Variants in ARSB observed in about 807,000 individuals in gnomAD.
ARSB encodes arylsulfatase B, also known as N-acetylgalactosamine-4-sulfatase.
ARSB carries 41 observed loss-of-function variants against 50.9 expected under a neutral mutation model. The ratio of observed to expected loss-of-function variants is 0.81; its 90% CI spans 0.63 to 1.04. ARSB has a LOEUF of 1.04. ARSB is among the 50% of genes least tolerant of loss of function. The probability of loss-of-function intolerance (pLI) is 0.00; values close to 1 mark genes in which losing one functional copy is unlikely to be tolerated. For synonymous variants in ARSB, 269 were observed against 284.8 expected (o/e 0.94, Z 0.56); for missense variants, 672 against 693.3 (o/e 0.97, Z 0.35).
intron 6 of ARSB, among the ~76,000 whole-genome samples, chr5:78,791,856 A>G (rs1283321058): frequency 1.3e-5 from 2 of 152,206 alleles, no homozygotes; most frequent in Non-Finnish European, 1.5e-5. Flanking sequence ...TTGAAGATGA[A>G]AAAAGCCCCT....
rs1046619002 is a variant in ARSB, at chr5:78,981,274, A to G, written c.312+3663T>C. Among the ~76,000 whole-genome samples, 40 of 152,216 alleles carry G rather than the reference A, an allele frequency of 2.6e-4. 1 individual carries two copies. The highest frequency in any genetic ancestry group is 5.2e-4 in the Admixed American group (8 of 15,274). On this transcript the variant is annotated intron_variant, in intron 1 of 7. Transcript: ENST00000264914. ...CGAATTTCTAGTTCTTGAATTTACC[A>G]GTAACTACTTACCCCATCTGCTAAT... is the stretch of plus-strand genomic sequence containing the variant.
intron 4 of ARSB, among the ~76,000 whole-genome samples, chr5:78,915,636 C>A (rs886874437): frequency 6.6e-6 from 1 of 152,152 alleles, no homozygotes; most frequent in Admixed American, 6.5e-5. Flanking sequence ...GTTGAATACT[C>A]CTTGTCCAAA....
chr5:78,822,377 C>T (rs1744265303), intron 6 of ARSB, among the ~76,000 whole-genome samples: 1 of 152,028 alleles, frequency 6.6e-6, no homozygotes, highest in Non-Finnish European at 1.5e-5. Flanking sequence ...AAACATCCAA[C>T]AATTAACTAC....
chr5:78,981,497 T>A (rs1752900557), intron 1 of ARSB, among the ~76,000 whole-genome samples: 1 of 152,252 alleles, frequency 6.6e-6, no homozygotes, highest in Non-Finnish European at 1.5e-5. Flanking sequence ...GCAAGATTAA[T>A]CTTTCTACCA....
At chr5:78,933,674 A>G (rs1015972441) in intron 4 of ARSB, among the ~76,000 whole-genome samples, 4 of 152,146 alleles carry the variant, frequency 2.6e-5, no homozygotes, top group Non-Finnish European at 4.4e-5. Flanking sequence ...GGAGGTGATC[A>G]GAAAGAATAC....
At chr5:78,839,255 C>A (rs1342807645) in intron 6 of ARSB, 101 bp downstream of exon 6, 2 of 1,170,298 alleles carry the variant, frequency 1.7e-6, no homozygotes, top group African/African-American at 1.5e-5. Flanking sequence ...TTTATAGCAA[C>A]TCAGGAAAAA....
intron 4 of ARSB, among the ~76,000 whole-genome samples, chr5:78,912,507 G>C (rs1219931237): frequency 6.6e-6 from 1 of 152,186 alleles, no homozygotes; most frequent in African/African-American, 2.4e-5. Flanking sequence ...AGCAGGAAAA[G>C]GGCCTGTCAG....
intron 5 of ARSB, among the ~76,000 whole-genome samples, chr5:78,870,254 A>T (rs370061706): frequency 0.13 from 15,780 of 125,340 alleles, 1,209 homozygotes; most frequent in Middle Eastern, 0.18. Context: ...AACTGGTACC[A>T]TTCTTTCTGA....
intron 1 of ARSB, among the ~76,000 whole-genome samples, chr5:78,980,450 A>T (rs939763429): frequency 2.0e-5 from 3 of 152,228 alleles, no homozygotes; most frequent in Admixed American, 2.0e-4. Context: ...GCTGGAAACA[A>T]CCTACATGTT....
At chr5:78,979,516 T>G (rs1422862507) in intron 1 of ARSB, among the ~76,000 whole-genome samples, 3 of 152,248 alleles carry the variant, frequency 2.0e-5, no homozygotes, top group Non-Finnish European at 4.4e-5. Flanking sequence ...CCAGCTGGAC[T>G]GTGCACTGGG....
chr5:78,791,147 T>TA (rs1458657949), intron 6 of ARSB, among the ~76,000 whole-genome samples: 3 of 152,236 alleles, frequency 2.0e-5, no homozygotes, highest in Non-Finnish European at 4.4e-5. Flanking sequence ...CATATTTACT[T>TA]ACAGTAAAAC....
At chr5:78,984,041 A>G (rs1753034253) in intron 1 of ARSB, among the ~76,000 whole-genome samples, 1 of 152,188 alleles carries the variant, frequency 6.6e-6, no homozygotes, top group African/African-American at 2.4e-5. Context: ...AGGGGAAAAA[A>G]GGCCAATTTC....
At chr5:78,966,361 A>G (rs2112520069) in intron 2 of ARSB, among the ~76,000 whole-genome samples, 1 of 151,912 alleles carries the variant, frequency 6.6e-6, no homozygotes. Flanking sequence ...CTTTTGGGGG[A>G]AAAAAATAGA....
intron 3 of ARSB, 130 bp downstream of exon 3, chr5:78,964,286 A>C: frequency 1.1e-6 from 1 of 921,130 alleles, no homozygotes. Flanking sequence ...GGGATACTGT[A>C]TAATTTGAAA....
chr5:78,815,685 G>A lies in ARSB; in HGVS notation c.1213+23671C>T, dbSNP rs116596943. 4,185 of 1,020,724 alleles carry A rather than the reference G, an allele frequency of 4.1e-3. 375 individuals are homozygous for A. In the African/African-American group the frequency reaches 0.066, roughly 16 times the overall value. The allele number at this position is 1,020,724 out of a possible 1,614,324, so 63.2% of individuals were successfully genotyped here. On this transcript the variant is annotated intron_variant, in intron 6 of 7. Coordinates refer to ENST00000264914, the MANE Select transcript of ARSB (RefSeq NM_000046.5). ...TATTCACTGGGATGCTCAAAAGTAA[G>A]CTACATGTGCCATATTACTGTAAGA... is the stretch of plus-strand genomic sequence containing the variant.
chr5:78,853,543 T>C (rs1162160926), intron 5 of ARSB, among the ~76,000 whole-genome samples: 1 of 152,230 alleles, frequency 6.6e-6, no homozygotes, highest in Non-Finnish European at 1.5e-5. Context: ...CTGCCCGTTC[T>C]CAGATCTCCA....
intron 1 of ARSB, among the ~76,000 whole-genome samples, chr5:78,983,292 G>A (rs2112574498): frequency 6.6e-6 from 1 of 152,266 alleles, no homozygotes; most frequent in African/African-American, 2.4e-5. Flanking sequence ...GACCTCAGGT[G>A]ATCCACCTGC....
rs187869556 is a variant in ARSB, at chr5:78,887,064, G to A, written c.899-1237C>T. On this transcript the variant is annotated intron_variant, in intron 4 of 7. Transcript: ENST00000264914. ...GGTGATATACCACCTCAGTTTCCTC[G>A]TCTTCATGTGGAAATAACAATCACT... 1.5e-4 allele frequency among the ~76,000 whole-genome samples: 23 copies of A among 152,282 alleles called. No individual in the cohort carries two copies. The East Asian group carries it at 1.5e-3, about 10-fold the overall frequency.
chr5:78,871,808 T>A (rs1193456559), intron 5 of ARSB, among the ~76,000 whole-genome samples: 3 of 131,004 alleles, frequency 2.3e-5, no homozygotes, highest in Non-Finnish European at 5.1e-5. Context: ...AAGCCAAAAT[T>A]GACAAATGGG....
Sources: gnomAD v4.1 joint callset for allele counts (sites outside exome capture counted in the v4.1 genomes callset) on GRCh38, gnomAD v4.1.1 for gene constraint, MANE v1.5 for transcripts, NCBI Gene and HGNC (gene_info 2026-07-23, HGNC 2026-07-21) for gene names.